CYLC2: variants seen among roughly 807,000 people sequenced by gnomAD.
The protein encoded by CYLC2 is cylicin 2, also known as cylicin-2.
Under a neutral mutation model 26.1 loss-of-function variants are expected in CYLC2, and 30 were observed. The observed-to-expected ratio is 1.15, with a 90% CI of 0.86 to 1.56. The LOEUF is 1.56. CYLC2 is among the 40% of genes most tolerant of loss of function. The pLI, the probability that CYLC2 is intolerant of heterozygous loss-of-function variation, is 0.00. For synonymous variants in CYLC2, 158 were observed against 132.8 expected (o/e 1.19, Z -1.31); for missense variants, 498 against 394.4 (o/e 1.26, Z -2.23).
intron 5 of CYLC2, among the ~76,000 whole-genome samples, chr9:103,010,003 A>G (rs558380076): frequency 6.6e-6 from 1 of 151,576 alleles, no homozygotes; most frequent in East Asian, 1.9e-4. Context: ...GTGTATATAT[A>G]TATATATACA....
chr9:102,999,231 T>C (rs1184462320), intron 1 of CYLC2, among the ~76,000 whole-genome samples: 1 of 151,864 alleles, frequency 6.6e-6, no homozygotes, highest in African/African-American at 2.4e-5. Context: ...TAATTAATTT[T>C]CCTAAATTTT....
At chr9:103,013,360 AAATAT>A (rs1564100503) in intron 6 of CYLC2, among the ~76,000 whole-genome samples, 1 of 15,464 alleles carries the variant, frequency 6.5e-5, no homozygotes, top group Non-Finnish European at 1.2e-4. Context: ...TATATTATAT[AAATAT>A]ATATTTAATA....
intron 5 of CYLC2, among the ~76,000 whole-genome samples, chr9:103,007,673 T>G (rs1043486410): frequency 1.3e-5 from 2 of 152,170 alleles, no homozygotes; most frequent in Non-Finnish European, 2.9e-5. Flanking sequence ...AATTCATTTA[T>G]TTCTGATTTA....
At chr9:102,996,588 C>A (rs986471609) in intron 1 of CYLC2, among the ~76,000 whole-genome samples, 5 of 151,500 alleles carry the variant, frequency 3.3e-5, no homozygotes, top group African/African-American at 1.2e-4. Flanking sequence ...TAGCATATTT[C>A]TTTGAGTTCA....
At position 103,005,249 on chromosome 9, in the gene CYLC2, T is replaced by G; in HGVS notation, c.618T>G (p.Ser206=). 6.2e-7 allele frequency: 1 copy of G among 1,611,830 alleles called. No individual in the cohort carries two copies. Among genetic ancestry groups the G allele is most frequent in the Non-Finnish European group, 8.5e-7 (1 of 1,179,376 alleles). Residue 206 remains serine (S), a synonymous_variant, in exon 5 of 8, where the codon TCT becomes TCG. Transcript: ENST00000374798. ...AAGGCAAAGACTCGGCAACAGAATCTGAAGGTGAAAAAGGAGGTACAGAGA... is the reference window on the plus strand; with the variant it reads ...AAGGCAAAGACTCGGCAACAGAATCGGAAGGTGAAAAAGGAGGTACAGAGA... The part of the protein sequence containing the change: ...SNKGKDSATE[S]EGEKGGTEKD...
rs117587901 is a variant in CYLC2 at position 103,013,003 on chromosome 9, G to T, written c.*816+906G>T. On this transcript the variant is annotated intron_variant, in intron 6 of 7. Coordinates refer to ENST00000374798, the MANE Select transcript of CYLC2 (RefSeq NM_001340.5). The stretch of plus-strand genomic sequence containing the variant: ...GCATTTCTGTTGGCTGGAAAAAAAA[G>T]GAAAGGGTATGATTTTATTGATAGC... Among the ~76,000 whole-genome samples the T allele has an allele frequency of 2.0e-5, 3 of 148,474 alleles. No individual in the cohort carries two copies. In the Admixed American group the frequency reaches 2.1e-4, roughly 10 times the overall value.
chr9:103,004,863 T>G lies in CYLC2; in HGVS notation c.337+12T>G, dbSNP rs764915868. 6.2e-7 allele frequency: 1 copy of G among 1,603,640 alleles called. No homozygotes were observed. On this transcript the variant is annotated intron_variant, in intron 4 of 7. Coordinates refer to ENST00000374798, the MANE Select transcript of CYLC2 (RefSeq NM_001340.5). ...TTCTAAAGCAGCAGGTAGAGATAAC[T>G]TACTGTTTTTATAGTATCTCTGTAA... is the stretch of plus-strand genomic sequence containing the variant.
intron 1 of CYLC2, 45 bp from the exon 2 acceptor site, chr9:103,001,533 A>G: frequency 8.1e-7 from 1 of 1,231,014 alleles, no homozygotes; most frequent in African/African-American, 1.5e-5. Context: ...TAAAACAGTG[A>G]TTTTTATATA....
At chr9:103,013,033 T>C (rs866953695) in intron 6 of CYLC2, among the ~76,000 whole-genome samples, 1 of 147,664 alleles carries the variant, frequency 6.8e-6, no homozygotes, top group South Asian at 2.1e-4. Flanking sequence ...GATAGCAAGA[T>C]TAAGAACCAA....
intron 6 of CYLC2, among the ~76,000 whole-genome samples, chr9:103,015,935 T>TTA (rs1184292449): frequency 6.7e-5 from 10 of 149,930 alleles, no homozygotes; most frequent in Non-Finnish European, 1.2e-4. Context: ...GGTCTGGAAA[T>TTA]TATATATATA....
intron 6 of CYLC2, among the ~76,000 whole-genome samples, chr9:103,013,651 T>C (rs1829444747): frequency 2.7e-5 from 3 of 112,414 alleles, no homozygotes; most frequent in South Asian, 5.7e-4. Flanking sequence ...TATATAAAAA[T>C]ATAAATATAT....
Position 103,005,943 on chromosome 9 carries a change from A to G in CYLC2, c.*265A>G, listed in dbSNP as rs1829343591. 5.5e-6 allele frequency: 2 copies of G among 361,052 alleles called. No homozygotes were observed. The highest frequency in any genetic ancestry group is 4.2e-5 in the Admixed American group (1 of 23,544). The allele number at this position is 361,052 out of a possible 1,614,324, so 22.4% of individuals were successfully genotyped here. Reference sequence around the variant, plus strand: ...TATATTCGGGGATATGAAGGATTCAATGAATGATCTCTAGAAAGATTTAAA... The same window carrying G: ...TATATTCGGGGATATGAAGGATTCAGTGAATGATCTCTAGAAAGATTTAAA... On this transcript the variant is annotated 3_prime_UTR_variant, in exon 5 of 8. Transcript: ENST00000374798.
chr9:103,004,984 G>A lies in CYLC2; in HGVS notation c.353G>A (p.Gly118Asp), dbSNP rs780357420. 5.1e-6 allele frequency: 8 copies of A among 1,581,356 alleles called. No homozygotes were observed. In the South Asian group the frequency reaches 7.1e-5, roughly 14 times the overall value. Residue 118 changes from glycine (G) to aspartate (D), a missense_variant, in exon 5 of 8, where the codon GGT becomes GAT. Physicochemically the swap from Gly to Asp is moderately conservative, Grantham distance 94. Transcript: ENST00000374798. ...DSKAAEIGKK[G>D]EDKTTQKDTT... ...TTATCCCCAGAAATTGGTAAGAAAG[G>A]TGAAGACAAGACAACACAGAAGGAC... is the stretch of plus-strand genomic sequence containing the variant.
intron 6 of CYLC2, among the ~76,000 whole-genome samples, chr9:103,014,289 CATA>C (rs554966850): frequency 1.7e-3 from 218 of 128,032 alleles, no homozygotes; most frequent in African/African-American, 5.9e-3. Flanking sequence ...ACATAGTATA[CATA>C]ATATTACATA....
chr9:103,015,377 T>C (rs555987166), intron 6 of CYLC2, among the ~76,000 whole-genome samples: 1 of 70,876 alleles, frequency 1.4e-5, no homozygotes, highest in Non-Finnish European at 2.5e-5. Context: ...TATAATGTAA[T>C]ATATATTAAA....
chr9:103,017,388 C>A (rs921489180), intron 7 of CYLC2, among the ~76,000 whole-genome samples: 1 of 151,968 alleles, frequency 6.6e-6, no homozygotes, highest in Admixed American at 6.6e-5. Flanking sequence ...TTTGAAACTT[C>A]ATGGACTTAT....
chr9:103,009,862 T>A (rs1829387988), intron 5 of CYLC2, among the ~76,000 whole-genome samples: 2 of 151,314 alleles, frequency 1.3e-5, no homozygotes, highest in African/African-American at 2.4e-5. Flanking sequence ...AATAACCAAT[T>A]TATATATATC....
chr9:103,018,482 C>A lies in CYLC2; in HGVS notation c.*1048C>A, dbSNP rs909548499. ...AAATTATCAATTAAAAACATCTAGT[C>A]ACCATAGTTATTTGTGTCTAAGTTT... On this transcript the variant is annotated 3_prime_UTR_variant, in exon 8 of 8. Coordinates refer to ENST00000374798, the MANE Select transcript of CYLC2 (RefSeq NM_001340.5). 1 of 152,040 alleles carries A rather than the reference C, an allele frequency of 6.6e-6. No homozygotes were observed. The highest frequency in any genetic ancestry group is 6.6e-5 in the Admixed American group (1 of 15,224). The allele number at this position is 152,040 out of a possible 1,614,324, so 9.4% of individuals were successfully genotyped here.
At chr9:103,003,591 A>G (rs373621416) in intron 3 of CYLC2, among the ~76,000 whole-genome samples, 1 of 152,182 alleles carries the variant, frequency 6.6e-6, no homozygotes, top group Non-Finnish European at 1.5e-5. Flanking sequence ...ACAGTTAGAG[A>G]TAATTCAAAG....
Sources: allele counts gnomAD v4.1 joint callset (sites outside exome capture counted in the v4.1 genomes callset), GRCh38; gene constraint gnomAD v4.1.1; transcripts MANE v1.5; gene names NCBI Gene and HGNC (gene_info 2026-07-23, HGNC 2026-07-21).